ABCC8: variants seen among roughly 807,000 people sequenced by gnomAD.
The protein encoded by ABCC8 is ATP-binding cassette sub-family C member 8.
In ABCC8, 137 loss-of-function variants were observed where a neutral mutation model predicts 188.0. The ratio of observed to expected loss-of-function variants is 0.73; its 90% confidence interval spans 0.63 to 0.84. The LOEUF (loss-of-function observed/expected upper bound fraction) is 0.84, where lower values mean the gene tolerates loss of function less well. ABCC8 is among the 40% of genes least tolerant of loss of function. ABCC8 has a pLI of 0.00. For missense variants in ABCC8, 1,750 were observed against 2,072.7 expected (o/e 0.84, Z 3.02); for synonymous variants, 797 against 846.5 (o/e 0.94, Z 1.01).
chr11:17,421,756 A>G (rs772881416), intron 16 of ABCC8, among the ~76,000 whole-genome samples: 8 of 152,236 alleles, frequency 5.3e-5, no homozygotes, highest in Non-Finnish European at 1.2e-4. Context: ...ATGTGAACCC[A>G]GGCAGCTTGG....
chr11:17,437,091 CAAAAAAAAAAA>C (rs71047551), intron 10 of ABCC8, among the ~76,000 whole-genome samples: 2 of 55,060 alleles, frequency 3.6e-5, no homozygotes, highest in Non-Finnish European at 6.6e-5. Flanking sequence ...AACTCTGTCT[CAAAAAAAAAAA>C]AAAAAAAAAA....
intron 16 of ABCC8, among the ~76,000 whole-genome samples, chr11:17,421,119 G>C (rs1355179983): frequency 6.6e-6 from 1 of 152,194 alleles, no homozygotes; most frequent in Non-Finnish European, 1.5e-5. Context: ...CATCCTGGGT[G>C]GGTGAGCTCC....
chr11:17,430,330 G>A, intron 12 of ABCC8: 1 of 284,714 alleles, frequency 3.5e-6, no homozygotes, highest in Non-Finnish European at 6.9e-6. Flanking sequence ...CCCAGCGCTT[G>A]GGGGAAGCTG....
At position 17,405,534 on chromosome 11, in the gene ABCC8, A is replaced by T; in HGVS notation, c.3359T>A (p.Ile1120Asn). Residue 1120 changes from isoleucine to asparagine, a missense_variant, in exon 27 of 39, where the codon ATC (isoleucine) becomes AAC (asparagine). By Grantham distance (149) the Ile-to-Asn change is moderately radical. Transcript: ENST00000389817. ...ACAGTCAGATGAAAATCTGTTCAGG[A>T]TGCTCCCAAGGGGCGTGGTCTCAAA... is the stretch of plus-strand genomic sequence containing the variant. ...RFFETTPLGS[I>N]LNRFSSDCNT... is the part of the protein sequence containing the mutation. 6.2e-7 allele frequency: 1 copy of T among 1,614,214 alleles called. No individual in the cohort carries two copies. Among genetic ancestry groups the T allele is most frequent in the South Asian group, 1.1e-5 (1 of 91,090 alleles).
intron 2 of ABCC8, among the ~76,000 whole-genome samples, chr11:17,473,908 T>C (rs1373457101): frequency 6.6e-6 from 1 of 152,198 alleles, no homozygotes. Flanking sequence ...CCTCCTGAGA[T>C]GCCCCAACCT....
intron 3 of ABCC8, among the ~76,000 whole-genome samples, chr11:17,469,856 C>A (rs1848380955): frequency 1.3e-5 from 2 of 151,668 alleles, no homozygotes; most frequent in African/African-American, 4.9e-5. Flanking sequence ...TTGCCCCTAC[C>A]CCTTACTCAG....
At chr11:17,474,306 C>G (rs1848636528) in intron 2 of ABCC8, among the ~76,000 whole-genome samples, 1 of 152,236 alleles carries the variant, frequency 6.6e-6, no homozygotes, top group Non-Finnish European at 1.5e-5. Context: ...CTTTCTGACT[C>G]TGAAGACAGT....
chr11:17,430,783 C>T (rs887252800), intron 12 of ABCC8, 31 bp downstream of exon 12: 3 of 1,608,544 alleles, frequency 1.9e-6, no homozygotes, highest in Non-Finnish European at 2.6e-6. Context: ...GACCTGCCTG[C>T]CCAGTGCCCT....
intron 8 of ABCC8, chr11:17,444,523 AGCT>A: frequency 6.5e-6 from 1 of 152,886 alleles, no homozygotes; most frequent in Non-Finnish European, 1.5e-5. Flanking sequence ...CTGGTGCTGC[AGCT>A]GCTGCTGTTC....
intron 3 of ABCC8, among the ~76,000 whole-genome samples, chr11:17,465,731 C>A (rs3819517): frequency 0.43 from 65,894 of 151,978 alleles, 14,986 homozygotes; most frequent in African/African-American, 0.58. Context: ...AATAGCTTGA[C>A]TCTATCTACT....
Position 17,398,356 on chromosome 11 carries a change from A to G in ABCC8, c.3736T>C (p.Trp1246Arg), listed in dbSNP as rs1554906790. 6.2e-7 allele frequency: 1 copy of G among 1,614,152 alleles called. No individual in the cohort carries two copies. Among genetic ancestry groups the G allele is most frequent in the Non-Finnish European group, 8.5e-7 (1 of 1,180,006 alleles). ...GCACTTGCCATTCGGACTTCCAGCC[A>G]TCTGTTGGCAGCTGTGAGGAAGAGG... is the stretch of plus-strand genomic sequence containing the variant. ...ASLFLTAANR[W>R]LEVRMEYIGA... The change falls in exon 30 of 39, where the codon TGG becomes CGG. Residue 1246 changes from tryptophan to arginine, a missense_variant. Transcript: ENST00000389817.
chr11:17,402,708 T>C lies in ABCC8; in HGVS notation c.3603A>G (p.Ser1201=), dbSNP rs145874746. The C allele has an allele frequency of 6.8e-6, 11 of 1,614,106 alleles. 1 individual carries two copies. In the African/African-American group the frequency reaches 1.5e-4, roughly 22 times the overall value. Residue 1201 remains serine (S), a synonymous_variant, in exon 29 of 39, where the codon TCA becomes TCG. Transcript: ENST00000389817. ...LDDTTQLPLL[S]HFAETVEGLT... ...GTCCTTCTACGGTTTCGGCAAAGTG[T>C]GAGAGAAGTGGAAGCTGGGTGGTGT...
intron 12 of ABCC8, chr11:17,429,136 G>T (rs544090550): frequency 1.7e-5 from 3 of 179,088 alleles, no homozygotes; most frequent in East Asian, 3.3e-4. Context: ...ATTACTCACG[G>T]GGGAGGCGGC....
rs772142677 is a variant in ABCC8 at position 17,442,794 on chromosome 11, C to A, written c.1556G>T (p.Arg519Leu). 2 of 1,614,092 alleles carry A rather than the reference C, an allele frequency of 1.2e-6. No homozygotes were observed. Among genetic ancestry groups the A allele is most frequent in the Non-Finnish European group, 1.7e-6 (2 of 1,180,038 alleles). The change falls in exon 10 of 39, where the codon CGC (arginine) becomes CTC (leucine). Residue 519 changes from arginine (R) to leucine (L), a missense_variant. Arg to Leu is a moderately radical substitution (Grantham distance 102). Transcript: ENST00000389817. ...LKLYAWENIFRTRVETTRRKE... is the reference protein window; with the variant it reads ...LKLYAWENIFLTRVETTRRKE... Reference sequence around the variant, plus strand: ...CCTGCGGGTCGTCTCCACCCGCGTGCGGAAGATGTTCTCCCAGGCGTACAG... The same window carrying A: ...CCTGCGGGTCGTCTCCACCCGCGTGAGGAAGATGTTCTCCCAGGCGTACAG...
intron 7 of ABCC8, 129 bp from the exon 8 acceptor site, chr11:17,448,800 A>G (rs1956644033): frequency 6.7e-7 from 1 of 1,481,690 alleles, no homozygotes; most frequent in Non-Finnish European, 9.3e-7. Context: ...GCAGCTCTGT[A>G]AGGTGGTACT....
At chr11:17,452,976 G>A in intron 7 of ABCC8, 143 bp downstream of exon 7, 1 of 854,934 alleles carries the variant, frequency 1.2e-6, no homozygotes, top group Non-Finnish European at 1.9e-6. Flanking sequence ...AATGGTTACT[G>A]TTTTAAAACA....
intron 36 of ABCC8, 45 bp downstream of exon 36, chr11:17,395,127 C>A: frequency 6.4e-7 from 1 of 1,551,808 alleles, no homozygotes. Flanking sequence ...CTTACAGGGT[C>A]CTTGAGTGCC....
intron 8 of ABCC8, among the ~76,000 whole-genome samples, chr11:17,447,160 T>C (rs866451853): frequency 6.6e-6 from 1 of 152,138 alleles, no homozygotes; most frequent in African/African-American, 2.4e-5. Flanking sequence ...TACATCAAGC[T>C]CTCCCGGTGG....
At chr11:17,393,884 C>G (rs1953763894) in intron 37 of ABCC8, 125 bp from the exon 38 acceptor site, 1 of 1,589,832 alleles carries the variant, frequency 6.3e-7, no homozygotes, top group Non-Finnish European at 8.6e-7. Context: ...AGTCCCACCC[C>G]CACCCCACAG....
Sources: gnomAD v4.1 joint callset for allele counts (sites outside exome capture counted in the v4.1 genomes callset) on GRCh38, gnomAD v4.1.1 for gene constraint, MANE v1.5 for transcripts, NCBI Gene and HGNC (gene_info 2026-07-23, HGNC 2026-07-21) for gene names.